ARHGAP39: variants seen among roughly 807,000 people sequenced by gnomAD.
The protein encoded by ARHGAP39 is rho GTPase-activating protein 39.
Under a neutral mutation model 106.9 loss-of-function variants are expected in ARHGAP39, and 44 were observed. That is an observed-to-expected ratio of 0.41 (90% CI 0.32 to 0.53). The LOEUF (loss-of-function observed/expected upper bound fraction) is 0.53, where lower values mean the gene tolerates loss of function less well. Among genes scored for constraint, ARHGAP39 ranks in the 20% least tolerant of loss-of-function variants. The pLI is 0.21. For missense variants in ARHGAP39, 1,496 were observed against 1,577.3 expected (o/e 0.95, Z 0.87); for synonymous variants, 768 against 693.2 (o/e 1.11, Z -1.69).
At position 144,645,829 on chromosome 8, in the gene ARHGAP39, A is replaced by G. The variant is rs1821430892; in HGVS notation, c.-82+39857T>C. ...GCTGCCTGAGCGAGGCCAGGGCTGCAGGGGGAGCTGGGGGCAGCAGGGAGG... is the reference window on the plus strand; with the variant it reads ...GCTGCCTGAGCGAGGCCAGGGCTGCGGGGGGAGCTGGGGGCAGCAGGGAGG... On this transcript the variant is annotated intron_variant, in intron 1 of 11. Transcript: ENST00000377307. This position sits in a 1 kb window ranked among gnomAD's most constrained non-coding sequence, Gnocchi z 4.4. Among the ~76,000 whole-genome samples, 2 of 152,210 alleles carry G rather than the reference A, an allele frequency of 1.3e-5. No individual in the cohort carries two copies. Among genetic ancestry groups the G allele is most frequent in the Admixed American group, 1.3e-4 (2 of 15,286 alleles).
chr8:144,656,867 C>T (rs1190950051), intron 1 of ARHGAP39, among the ~76,000 whole-genome samples: 1 of 143,910 alleles, frequency 6.9e-6, no homozygotes, highest in Non-Finnish European at 1.5e-5. Flanking sequence ...GGATCTCTAT[C>T]AAACCACTTT....
At chr8:144,603,957 G>A (rs1444469022) in intron 2 of ARHGAP39, among the ~76,000 whole-genome samples, 1 of 152,210 alleles carries the variant, frequency 6.6e-6, no homozygotes. Flanking sequence ...CCAGTGAAGA[G>A]CAAGCGCAAT....
intron 5 of ARHGAP39, among the ~76,000 whole-genome samples, chr8:144,546,672 T>C (rs1817436975): frequency 6.6e-6 from 1 of 152,098 alleles, no homozygotes; most frequent in African/African-American, 2.4e-5. Context: ...CCGGAATTCC[T>C]GCGGCCTCTG....
rs1376858183 is a variant in ARHGAP39 at position 144,588,635 on chromosome 8, G to A, written c.81-7358C>T. 2.0e-5 allele frequency among the ~76,000 whole-genome samples: 3 copies of A among 152,348 alleles called. No homozygotes were observed. In the East Asian group the frequency reaches 5.8e-4, roughly 29 times the overall value. On this transcript the variant is annotated intron_variant, in intron 2 of 11. Transcript: ENST00000377307. The stretch of plus-strand genomic sequence containing the variant: ...GAAGGGGAAGGTAAGACCCAGTAGG[G>A]CTGGGGACCCAGCTGGCCACCTGAA...
chr8:144,590,111 C>T (rs902810716), intron 2 of ARHGAP39, among the ~76,000 whole-genome samples: 10 of 152,236 alleles, frequency 6.6e-5, no homozygotes, highest in Non-Finnish European at 1.5e-4. Context: ...CCACATGGCA[C>T]GTGGGACAGA....
At chr8:144,618,648 C>G (rs1007477363) in intron 1 of ARHGAP39, among the ~76,000 whole-genome samples, 2 of 152,232 alleles carry the variant, frequency 1.3e-5, no homozygotes, top group East Asian at 1.9e-4. Context: ...CCACCTCCCC[C>G]TCTGCCGGGG....
intron 3 of ARHGAP39, among the ~76,000 whole-genome samples, chr8:144,579,030 G>A (rs538027279): frequency 2.0e-5 from 3 of 151,484 alleles, no homozygotes; most frequent in Admixed American, 2.0e-4. Flanking sequence ...GTGAAACCCT[G>A]TTTCTACTAA....
At chr8:144,650,138 G>T (rs995032957) in intron 1 of ARHGAP39, among the ~76,000 whole-genome samples, 1 of 151,492 alleles carries the variant, frequency 6.6e-6, no homozygotes, top group Middle Eastern at 3.4e-3. Flanking sequence ...GCAAGACTCT[G>T]TCTTGGAAAA....
At chr8:144,598,276 A>C (rs1468092152) in intron 2 of ARHGAP39, among the ~76,000 whole-genome samples, 1 of 152,054 alleles carries the variant, frequency 6.6e-6, no homozygotes, top group Non-Finnish European at 1.5e-5. Context: ...TTGCGTGTAA[A>C]GGGGAAACTC....
chr8:144,607,365 G>A (rs543328592), intron 1 of ARHGAP39, among the ~76,000 whole-genome samples: 5 of 152,146 alleles, frequency 3.3e-5, no homozygotes, highest in South Asian at 4.1e-4. Flanking sequence ...CCTCCGGCCC[G>A]GGTGGTGACG....
chr8:144,569,943 G>A (rs889843431), intron 3 of ARHGAP39, among the ~76,000 whole-genome samples: 3 of 152,204 alleles, frequency 2.0e-5, no homozygotes. Context: ...TGCTGAGGCT[G>A]GGCGCGGTGG....
chr8:144,553,069 G>A (rs752441079), intron 4 of ARHGAP39, among the ~76,000 whole-genome samples: 4 of 152,172 alleles, frequency 2.6e-5, no homozygotes, highest in Non-Finnish European at 4.4e-5. Context: ...AGAAGCACCC[G>A]CATGGCTGTG....
intron 1 of ARHGAP39, among the ~76,000 whole-genome samples, chr8:144,658,292 G>A (rs956226368): frequency 1.4e-4 from 18 of 130,414 alleles, no homozygotes; most frequent in African/African-American, 4.6e-4. Flanking sequence ...TTTTTTTTTT[G>A]AGACAGAGCT....
chr8:144,691,345 T>G, the ARHGAP39 span, among the ~76,000 whole-genome samples: 1 of 152,164 alleles, frequency 6.6e-6, no homozygotes, highest in Non-Finnish European at 1.5e-5. Context: ...GATGTCCTGC[T>G]TGGACATCTG....
rs1464982150 is a variant in ARHGAP39, at chr8:144,586,011, C to A, written c.81-4734G>T. Reference sequence around the variant, plus strand: ...TTTTAGTTTTGGAGACAGAGTCTTGCTCTGTCACCCAGGCTGGAGTGCAGT... The same window carrying A: ...TTTTAGTTTTGGAGACAGAGTCTTGATCTGTCACCCAGGCTGGAGTGCAGT... On this transcript the variant is annotated intron_variant, in intron 2 of 11. Transcript: ENST00000377307. The surrounding 1 kb of genome is among the most constrained non-coding windows in gnomAD (Gnocchi z 4.2). Among the ~76,000 whole-genome samples, 1 of 152,166 alleles carries A rather than the reference C, an allele frequency of 6.6e-6. No homozygotes were observed. Among genetic ancestry groups the A allele is most frequent in the Non-Finnish European group, 1.5e-5 (1 of 68,030 alleles).
intron 2 of ARHGAP39, among the ~76,000 whole-genome samples, chr8:144,588,610 G>A (rs984228085): frequency 5.9e-5 from 9 of 152,234 alleles, no homozygotes; most frequent in Non-Finnish European, 1.2e-4. Flanking sequence ...CCCAGGGCCC[G>A]AAGGGGAAGG....
At position 144,679,262 on chromosome 8, in the gene ARHGAP39, G is replaced by A. The variant is rs1236959409; in HGVS notation, c.-82+6424C>T. ...GCTCCTCAGCTCTGCTCAGCACAGC[G>A]TCCGAGCAGGGGCTCACCTTCCCCA... On this transcript the variant is annotated intron_variant, in intron 1 of 11. Coordinates refer to ENST00000377307, the MANE Select transcript of ARHGAP39 (RefSeq NM_025251.3). The surrounding 1 kb of genome is among the most constrained non-coding windows in gnomAD (Gnocchi z 4.7). Among the ~76,000 whole-genome samples the A allele has an allele frequency of 6.6e-6, 1 of 152,196 alleles. No individual in the cohort carries two copies. The highest frequency in any genetic ancestry group is 1.5e-5 in the Non-Finnish European group (1 of 68,030).
chr8:144,600,504 C>T (rs1378014862), intron 2 of ARHGAP39, among the ~76,000 whole-genome samples: 2 of 133,748 alleles, frequency 1.5e-5, no homozygotes, highest in South Asian at 2.4e-4. Context: ...ACTTGGGTAC[C>T]TACCTGCGTG....
In ARHGAP39 at chr8:144,685,813, G is replaced by A. The variant is rs1434633502; in HGVS notation, c.-209C>T. ...TGCTGCCGCGGCAGCCCGTGCTGTC[G>A]GCGTCCTCCGCCGCCGCCGCCGGCC... On this transcript the variant is annotated 5_prime_UTR_variant, in exon 1 of 12. Transcript: ENST00000377307. Among the ~76,000 whole-genome samples the A allele has an allele frequency of 6.8e-6, 1 of 147,692 alleles. No homozygotes were observed. Among genetic ancestry groups the A allele is most frequent in the Non-Finnish European group, 1.5e-5 (1 of 66,292 alleles).
Sources: allele counts gnomAD v4.1 joint callset (sites outside exome capture counted in the v4.1 genomes callset), GRCh38; gene constraint gnomAD v4.1.1; non-coding constraint Gnocchi (gnomAD v3.1); transcripts MANE v1.5; gene names NCBI Gene and HGNC (gene_info 2026-07-23, HGNC 2026-07-21).